The following PTPN13 variants were observed in gnomAD, a reference collection of about 807,000 sequenced individuals.
PTPN13 encodes the protein tyrosine-protein phosphatase non-receptor type 13.
In PTPN13, 191 loss-of-function variants were observed where a neutral mutation model predicts 284.0. The observed-to-expected ratio is 0.67, with a 90% CI of 0.60 to 0.76. The LOEUF is 0.76. Among genes scored for constraint, PTPN13 ranks in the 30% least tolerant of loss-of-function variants. The pLI is 0.00. For missense variants in PTPN13, 2,797 were observed against 2,939.9 expected (o/e 0.95, Z 1.12); for synonymous variants, 986 against 1,022.3 (o/e 0.96, Z 0.68).
intron 2 of PTPN13, among the ~76,000 whole-genome samples, chr4:86,638,785 C>G (rs1240924173): frequency 2.0e-5 from 3 of 152,108 alleles, no homozygotes; most frequent in African/African-American, 7.2e-5. Context: ...GACTTCATGT[C>G]TAAAACACCA....
chr4:86,811,395 T>C (rs542187702), intron 47 of PTPN13, among the ~76,000 whole-genome samples: 1 of 152,312 alleles, frequency 6.6e-6, no homozygotes, highest in South Asian at 2.1e-4. Context: ...TTGAGAATGG[T>C]ACAAAATACT....
At chr4:86,800,707 G>A (rs1743923630) in intron 42 of PTPN13, among the ~76,000 whole-genome samples, 1 of 151,596 alleles carries the variant, frequency 6.6e-6, no homozygotes, top group Non-Finnish European at 1.5e-5. Context: ...AAGAAAGCAG[G>A]GAGGGAGGGA....
intron 3 of PTPN13, among the ~76,000 whole-genome samples, chr4:86,682,786 C>T (rs886565902): frequency 1.3e-5 from 2 of 152,166 alleles, no homozygotes; most frequent in Admixed American, 1.3e-4. Flanking sequence ...ACAGTACAAA[C>T]GCTTTTAATT....
In PTPN13 at chr4:86,767,884, A is replaced by G; in HGVS notation, c.4397A>G (p.Gln1466Arg). The G allele has an allele frequency of 6.2e-7, 1 of 1,608,220 alleles. No individual in the cohort carries two copies. Among genetic ancestry groups the G allele is most frequent in the South Asian group, 1.1e-5 (1 of 89,778 alleles). ...AAAGAACATGTCCCGGTAACCCCAC[A>G]GTGTACCCTTTCAGATCAGAATGCC... Reference protein sequence around the residue: ...TSKEHVPVTPQCTLSDQNAQG... With the variant: ...TSKEHVPVTPRCTLSDQNAQG... Residue 1466 changes from glutamine (Q) to arginine (R), a missense_variant, in exon 28 of 48, where the codon CAG (glutamine) becomes CGG (arginine). Coordinates refer to ENST00000411767, the MANE Select transcript of PTPN13 (RefSeq NM_080683.3).
intron 40 of PTPN13, among the ~76,000 whole-genome samples, chr4:86,789,703 C>T (rs1267491906): frequency 4.6e-5 from 7 of 152,190 alleles, no homozygotes; most frequent in Non-Finnish European, 7.4e-5. Context: ...GGCAGTACCA[C>T]AGCTGCCTCC....
At chr4:86,646,844 A>T (rs1335831387) in intron 2 of PTPN13, among the ~76,000 whole-genome samples, 4 of 152,238 alleles carry the variant, frequency 2.6e-5, no homozygotes, top group African/African-American at 9.6e-5. Flanking sequence ...AGATAAACAA[A>T]TTGTGATATA....
chr4:86,763,416 C>T (rs1738933276), intron 24 of PTPN13, among the ~76,000 whole-genome samples: 2 of 152,150 alleles, frequency 1.3e-5, no homozygotes, highest in Non-Finnish European at 2.9e-5. Flanking sequence ...TATCTAATAA[C>T]CCAAAGAAGG....
chr4:86,598,497 G>T (rs1208158863), intron 1 of PTPN13, among the ~76,000 whole-genome samples: 2 of 151,520 alleles, frequency 1.3e-5, no homozygotes, highest in Non-Finnish European at 3.0e-5. Context: ...TGGTTTAAGT[G>T]CAAGCTGACA....
intron 23 of PTPN13, among the ~76,000 whole-genome samples, chr4:86,762,008 T>C (rs1738751562): frequency 6.6e-6 from 1 of 152,226 alleles, no homozygotes; most frequent in South Asian, 2.1e-4. Context: ...AGTCTTGCCC[T>C]GTCACCCAGG....
chr4:86,708,281 G>A (rs1311258392), intron 7 of PTPN13, among the ~76,000 whole-genome samples: 1 of 152,136 alleles, frequency 6.6e-6, no homozygotes, highest in Non-Finnish European at 1.5e-5. Context: ...CTCAGTTGAG[G>A]AAAGAGTGGC....
intron 1 of PTPN13, among the ~76,000 whole-genome samples, chr4:86,613,633 C>CAAA (rs544971012): frequency 6.2e-4 from 38 of 61,528 alleles, no homozygotes; most frequent in African/African-American, 2.0e-3. Context: ...GACTCCGTCT[C>CAAA]AAAAAAAAAA....
intron 2 of PTPN13, among the ~76,000 whole-genome samples, chr4:86,654,212 C>CA (rs1298320467): frequency 2.6e-5 from 4 of 152,124 alleles, no homozygotes; most frequent in South Asian, 2.1e-4. Context: ...AAAAACCCTT[C>CA]AAAAAAATCA....
At chr4:86,691,587 T>C (rs1170764815) in intron 5 of PTPN13, among the ~76,000 whole-genome samples, 1 of 152,218 alleles carries the variant, frequency 6.6e-6, no homozygotes, top group Non-Finnish European at 1.5e-5. Context: ...CCAGACACTA[T>C]GCTAAGGGGT....
chr4:86,612,228 G>C (rs1048658538), intron 1 of PTPN13, among the ~76,000 whole-genome samples: 3 of 151,962 alleles, frequency 2.0e-5, no homozygotes, highest in Admixed American at 6.6e-5. Flanking sequence ...ATAGCATCCG[G>C]TAATTTTCAG....
intron 2 of PTPN13, among the ~76,000 whole-genome samples, chr4:86,640,105 G>T (rs1723607227): frequency 6.6e-6 from 1 of 152,046 alleles, no homozygotes; most frequent in African/African-American, 2.4e-5. Context: ...TTTTGTTGTT[G>T]TTTTTTAATT....
At chr4:86,686,505 A>T (rs1294981199) in intron 3 of PTPN13, among the ~76,000 whole-genome samples, 1 of 152,188 alleles carries the variant, frequency 6.6e-6, no homozygotes, top group East Asian at 1.9e-4. Context: ...TGGGCTGGGG[A>T]ATTAGGAAAA....
chr4:86,786,728 A>C (rs1306461040), intron 40 of PTPN13, among the ~76,000 whole-genome samples: 37 of 152,196 alleles, frequency 2.4e-4, no homozygotes, highest in Non-Finnish European at 1.3e-4. Context: ...AATATTTAAT[A>C]GTAATATTAA....
chr4:86,612,051 T>C (rs1578249637), intron 1 of PTPN13, among the ~76,000 whole-genome samples: 1 of 152,176 alleles, frequency 6.6e-6, no homozygotes, highest in East Asian at 1.9e-4. Flanking sequence ...TAGTGAGGAA[T>C]AATTAGCCCT....
chr4:86,809,747 T>A (rs1392760128), intron 45 of PTPN13, 22 bp from the exon 46 acceptor site: 1 of 1,588,924 alleles, frequency 6.3e-7, no homozygotes, highest in East Asian at 2.2e-5. Context: ...CATGATCCAC[T>A]TATTCTGTTA....
Sources: gnomAD v4.1 joint callset for allele counts (sites outside exome capture counted in the v4.1 genomes callset) on GRCh38, gnomAD v4.1.1 for gene constraint, MANE v1.5 for transcripts, NCBI Gene and HGNC (gene_info 2026-07-23, HGNC 2026-07-21) for gene names.